ATAD2B: variants seen among roughly 807,000 people sequenced by gnomAD.
ATAD2B encodes ATPase family AAA domain-containing protein 2B.
In ATAD2B, 40 loss-of-function variants were observed where a neutral mutation model predicts 167.6. The observed-to-expected ratio is 0.24, with a 90% CI of 0.19 to 0.31. The LOEUF is 0.31. Among genes scored for constraint, ATAD2B ranks in the 10% least tolerant of loss-of-function variants. The probability of loss-of-function intolerance (pLI) is 1.00; values close to 1 mark genes in which losing one functional copy is unlikely to be tolerated. For synonymous variants in ATAD2B, 579 were observed against 596.5 expected (o/e 0.97, Z 0.43); for missense variants, 1,242 against 1,757.2 (o/e 0.71, Z 5.24).
chr2:23,870,324 T>A (rs1280072456), intron 8 of ATAD2B, among the ~76,000 whole-genome samples: 102 of 140,416 alleles, frequency 7.3e-4, no homozygotes, highest in Non-Finnish European at 8.5e-4. Context: ...TCTCACTCTG[T>A]CACCCAGGCT....
At chr2:23,735,511 C>T in the ATAD2B span, among the ~76,000 whole-genome samples, 2 of 152,314 alleles carry the variant, frequency 1.3e-5, no homozygotes, top group African/African-American at 4.8e-5. Context: ...CCATTTTACC[C>T]ACCTTTTTCC....
chr2:23,818,047 C>T (rs553272998), intron 17 of ATAD2B, among the ~76,000 whole-genome samples: 14 of 150,286 alleles, frequency 9.3e-5, no homozygotes, highest in Middle Eastern at 3.4e-3. Context: ...TAATACAAAT[C>T]CAAATAACTA....
At chr2:23,701,164 G>T in the ATAD2B span, among the ~76,000 whole-genome samples, 1 of 152,144 alleles carries the variant, frequency 6.6e-6, no homozygotes, top group Non-Finnish European at 1.5e-5. Flanking sequence ...CCAGTCCCAA[G>T]CCAGACCCTG....
the ATAD2B span, among the ~76,000 whole-genome samples, chr2:23,724,283 CAAAAA>C: frequency 5.9e-5 from 9 of 151,832 alleles, no homozygotes; most frequent in East Asian, 9.7e-4. Context: ...GTTCCCAAAA[CAAAAA>C]AAGATAAATG....
chr2:23,735,883 G>A, the ATAD2B span, among the ~76,000 whole-genome samples: 1 of 152,198 alleles, frequency 6.6e-6, no homozygotes, highest in Non-Finnish European at 1.5e-5. Flanking sequence ...GGGACCATCT[G>A]TGCAAAATCT....
the ATAD2B span, chr2:23,695,591 T>C: frequency 6.7e-7 from 1 of 1,482,816 alleles, no homozygotes; most frequent in Non-Finnish European, 9.1e-7. This position sits in a 1 kb window ranked among gnomAD's most constrained non-coding sequence, Gnocchi z 7.6. Flanking sequence ...CTCTTGCTAG[T>C]CTAAGAAGAT....
chr2:23,702,113 G>A, the ATAD2B span, among the ~76,000 whole-genome samples: 3 of 151,888 alleles, frequency 2.0e-5, no homozygotes, highest in Non-Finnish European at 2.9e-5. Context: ...GTGAGCCATC[G>A]CGCCCAGCCC....
At chr2:23,760,360 T>A (rs1676496096) in intron 24 of ATAD2B, among the ~76,000 whole-genome samples, 1 of 152,156 alleles carries the variant, frequency 6.6e-6, no homozygotes, top group Admixed American at 6.5e-5. Context: ...GTGGACCTAA[T>A]GCTTAATATA....
intron 9 of ATAD2B, among the ~76,000 whole-genome samples, chr2:23,868,955 T>C (rs1347243940): frequency 1.9e-4 from 29 of 152,212 alleles, no homozygotes; most frequent in Admixed American, 1.7e-3. Flanking sequence ...TCGGATTAAA[T>C]AGGCATTAAA....
At chr2:23,752,552 A>G (rs1675477232) in intron 27 of ATAD2B, among the ~76,000 whole-genome samples, 1 of 151,710 alleles carries the variant, frequency 6.6e-6, no homozygotes, top group Non-Finnish European at 1.5e-5. Context: ...AAGATTGAAC[A>G]AACGTATTAC....
At chr2:23,680,782 T>G in the ATAD2B span, among the ~76,000 whole-genome samples, 1 of 151,432 alleles carries the variant, frequency 6.6e-6, no homozygotes, top group African/African-American at 2.4e-5. The surrounding 1 kb of genome is among the most constrained non-coding windows in gnomAD (Gnocchi z 4.1). Context: ...TAGGCCATCT[T>G]CTCCTGGGGT....
intron 25 of ATAD2B, among the ~76,000 whole-genome samples, chr2:23,755,269 A>G (rs955694595): frequency 2.6e-5 from 4 of 152,178 alleles, no homozygotes; most frequent in Non-Finnish European, 4.4e-5. Flanking sequence ...CTAAAATTCT[A>G]TTAGAAATTG....
At chr2:23,880,091 C>A (rs923108724) in intron 7 of ATAD2B, among the ~76,000 whole-genome samples, 1 of 151,350 alleles carries the variant, frequency 6.6e-6, no homozygotes, top group Non-Finnish European at 1.5e-5. Context: ...GAGATACTTT[C>A]CCTAAAGAAC....
At chr2:23,684,836 C>T in the ATAD2B span, among the ~76,000 whole-genome samples, 1 of 152,206 alleles carries the variant, frequency 6.6e-6, no homozygotes, top group Admixed American at 6.5e-5. This position sits in a 1 kb window ranked among gnomAD's most constrained non-coding sequence, Gnocchi z 4.4. Flanking sequence ...ATCCCAGGTT[C>T]TCAGTGGCTC....
chr2:23,684,191 G>A, the ATAD2B span, among the ~76,000 whole-genome samples: 338 of 152,034 alleles, frequency 2.2e-3, no homozygotes, highest in African/African-American at 7.8e-3. This position sits in a 1 kb window ranked among gnomAD's most constrained non-coding sequence, Gnocchi z 4.4. Context: ...TGATTCCTTT[G>A]GTTATTAGCC....
chr2:23,856,502 T>C (rs886228607), intron 13 of ATAD2B: 2 of 378,028 alleles, frequency 5.3e-6, no homozygotes, highest in Non-Finnish European at 1.1e-5. Context: ...TAAATAGTAG[T>C]ATACACACAC....
chr2:23,856,914 A>G (rs112557224), intron 13 of ATAD2B, among the ~76,000 whole-genome samples: 3 of 151,824 alleles, frequency 2.0e-5, no homozygotes, highest in African/African-American at 7.3e-5. Flanking sequence ...CTTTTTCTGT[A>G]AAAGGTCAGA....
intron 6 of ATAD2B, among the ~76,000 whole-genome samples, chr2:23,882,044 C>CTACAA (rs1553442891): frequency 6.6e-6 from 1 of 151,492 alleles, no homozygotes; most frequent in Non-Finnish European, 1.5e-5. Context: ...TTGGCAATAG[C>CTACAA]TATAACATCT....
the ATAD2B span, among the ~76,000 whole-genome samples, chr2:23,727,858 G>A: frequency 6.6e-6 from 1 of 152,268 alleles, no homozygotes; most frequent in East Asian, 1.9e-4. Context: ...ATTCTAGAAA[G>A]ACAAAACTAT....
Sources: gnomAD v4.1 joint callset for allele counts (sites outside exome capture counted in the v4.1 genomes callset) on GRCh38, gnomAD v4.1.1 for gene constraint, Gnocchi (gnomAD v3.1) non-coding constraint, MANE v1.5 for transcripts, NCBI Gene and HGNC (gene_info 2026-07-23, HGNC 2026-07-21) for gene names.